The following SAAL1 variants were observed in gnomAD, a reference collection of about 807,000 sequenced individuals.
SAAL1 encodes protein SAAL1.
A neutral mutation model predicts 59.8 loss-of-function variants in SAAL1; 42 were observed. The ratio of observed to expected loss-of-function variants is 0.70; its 90% CI spans 0.55 to 0.91. SAAL1 has a LOEUF of 0.91. Among genes scored for constraint, SAAL1 ranks in the 40% least tolerant of loss-of-function variants. The pLI is 0.00. For synonymous variants in SAAL1, 191 were observed against 194.3 expected (o/e 0.98, Z 0.14); for missense variants, 542 against 561.1 (o/e 0.97, Z 0.34).
intron 7 of SAAL1, 84 bp downstream of exon 7, chr11:18,089,246 G>A (rs1848497598): frequency 2.5e-6 from 3 of 1,199,608 alleles, no homozygotes; most frequent in East Asian, 2.5e-5. Context: ...TCTGTTGTAA[G>A]GAATATAAGA....
intron 10 of SAAL1, among the ~76,000 whole-genome samples, chr11:18,082,022 T>G (rs1179549177): frequency 2.6e-5 from 4 of 152,156 alleles, no homozygotes; most frequent in African/African-American, 9.7e-5. Context: ...AAGTAAAAAA[T>G]CTTTAGTAGT....
At chr11:18,084,394 C>A (rs1402649768) in intron 9 of SAAL1, among the ~76,000 whole-genome samples, 1 of 152,184 alleles carries the variant, frequency 6.6e-6, no homozygotes, top group African/African-American at 2.4e-5. Flanking sequence ...TAAAACCCAC[C>A]ATGGTTCCCC....
chr11:18,081,604 T>C (rs570758655), intron 10 of SAAL1, 101 bp from the exon 11 acceptor site: 12 of 869,436 alleles, frequency 1.4e-5, no homozygotes, highest in East Asian at 5.0e-5. Context: ...CCTGACTTCA[T>C]AGGCATTTCA....
intron 1 of SAAL1, 33 bp from the exon 2 acceptor site, chr11:18,103,379 A>G (rs1848654263): frequency 1.2e-5 from 18 of 1,509,418 alleles, no homozygotes; most frequent in Non-Finnish European, 1.7e-5. Context: ...AACATGAATA[A>G]AAGTTGTCTA....
Position 18,103,585 on chromosome 11 carries a change from G to A in SAAL1, c.136-239C>T, listed in dbSNP as rs187388345. ...CCCAAATTTGCACATTAGCACAACG[G>A]GTATCTAAATGGTCCCAATCTGAGT... On this transcript the variant is annotated intron_variant, in intron 1 of 11. Transcript: ENST00000524803. Among the ~76,000 whole-genome samples the A allele has an allele frequency of 1.1e-4, 17 of 152,252 alleles. No homozygotes were observed. In the East Asian group the frequency reaches 3.3e-3, roughly 29 times the overall value.
intron 9 of SAAL1, among the ~76,000 whole-genome samples, chr11:18,085,474 T>C (rs1402752395): frequency 6.6e-6 from 1 of 152,016 alleles, no homozygotes; most frequent in Non-Finnish European, 1.5e-5. Context: ...ATATCCAAGA[T>C]CCATATGAAG....
intron 3 of SAAL1, among the ~76,000 whole-genome samples, chr11:18,096,441 G>A (rs1848577192): frequency 6.6e-6 from 1 of 151,964 alleles, no homozygotes; most frequent in African/African-American, 2.4e-5. Flanking sequence ...AAATTAGCTG[G>A]GTGTGGTGGC....
chr11:18,101,491 G>A (rs182310706), intron 2 of SAAL1, among the ~76,000 whole-genome samples: 69 of 152,156 alleles, frequency 4.5e-4, no homozygotes, highest in East Asian at 2.9e-3. Flanking sequence ...TCCTGCCACC[G>A]TGTGAATAAG....
At chr11:18,091,729 A>G (rs1361069891) in intron 4 of SAAL1, among the ~76,000 whole-genome samples, 3 of 152,186 alleles carry the variant, frequency 2.0e-5, no homozygotes, top group African/African-American at 7.2e-5. Context: ...CCATTAAAAC[A>G]CCTTCTGCCC....
At chr11:18,101,571 G>A (rs1039657353) in intron 2 of SAAL1, among the ~76,000 whole-genome samples, 2 of 152,126 alleles carry the variant, frequency 1.3e-5, no homozygotes, top group Admixed American at 6.5e-5. Context: ...ATACTGAACT[G>A]AGAGTCAATT....
chr11:18,101,222 A>G (rs576816473), intron 2 of SAAL1, among the ~76,000 whole-genome samples: 1 of 152,200 alleles, frequency 6.6e-6, no homozygotes, highest in South Asian at 2.1e-4. Flanking sequence ...ACAAATTGAA[A>G]GTTTCTTAAA....
At chr11:18,098,516 T>C (rs1291689935) in intron 2 of SAAL1, among the ~76,000 whole-genome samples, 1 of 152,214 alleles carries the variant, frequency 6.6e-6, no homozygotes, top group Non-Finnish European at 1.5e-5. Flanking sequence ...TCACTAAATG[T>C]GAGGTGTGTA....
chr11:18,097,066 C>A (rs1332089509), intron 2 of SAAL1, among the ~76,000 whole-genome samples: 1 of 151,934 alleles, frequency 6.6e-6, no homozygotes, highest in Non-Finnish European at 1.5e-5. Flanking sequence ...GAAACCCTGT[C>A]TCTACTAAAA....
chr11:18,080,751 C>T lies in SAAL1; in HGVS notation c.1333-260G>A, dbSNP rs549790113. ...TTACAGTCTGTTCCCACATTCTGTC[C>T]TTCATTTTCCTGAAAAAGTTCCTAT... is the stretch of plus-strand genomic sequence containing the variant. On this transcript the variant is annotated intron_variant, in intron 11 of 11. Transcript: ENST00000524803. Among the ~76,000 whole-genome samples the T allele has an allele frequency of 2.0e-4, 30 of 152,238 alleles. No individual in the cohort carries two copies. The South Asian group carries it at 6.2e-3, about 32-fold the overall frequency.
intron 1 of SAAL1, 82 bp from the exon 2 acceptor site, chr11:18,103,428 A>G (rs1430530411): frequency 6.8e-6 from 7 of 1,035,530 alleles, no homozygotes; most frequent in Non-Finnish European, 9.0e-6. Flanking sequence ...AGGTGATCAA[A>G]TAACATTTCC....
At chr11:18,080,663 A>T (rs1342666915) in intron 11 of SAAL1, among the ~76,000 whole-genome samples, 172 bp from the exon 12 acceptor site, 1 of 152,224 alleles carries the variant, frequency 6.6e-6, no homozygotes, top group African/African-American at 2.4e-5. Flanking sequence ...ATTCTCAAGG[A>T]AATGACTATG....
intron 10 of SAAL1, 58 bp from the exon 11 acceptor site, chr11:18,081,561 T>C (rs1161429236): frequency 1.6e-6 from 2 of 1,289,734 alleles, no homozygotes; most frequent in African/African-American, 1.5e-5. Flanking sequence ...CTTTAACTAG[T>C]GAATAAAAAC....
At chr11:18,080,566 T>C (rs1445125812) in intron 11 of SAAL1, 75 bp from the exon 12 acceptor site, 5 of 928,984 alleles carry the variant, frequency 5.4e-6, no homozygotes, top group Non-Finnish European at 6.5e-6. Context: ...TTGCTCTACC[T>C]GTGGTTTCTA....
intron 2 of SAAL1, among the ~76,000 whole-genome samples, chr11:18,102,482 A>C (rs1337935870): frequency 1.3e-5 from 2 of 152,212 alleles, no homozygotes; most frequent in African/African-American, 4.8e-5. Flanking sequence ...TAAAGTTTTA[A>C]ATAAAATGAC....
Sources: allele counts gnomAD v4.1 joint callset (sites outside exome capture counted in the v4.1 genomes callset), GRCh38; gene constraint gnomAD v4.1.1; transcripts MANE v1.5; gene names NCBI Gene and HGNC (gene_info 2026-07-23, HGNC 2026-07-21).